Variants in AQP4 observed in about 807,000 individuals in gnomAD.
AQP4 encodes the protein aquaporin 4.
In AQP4, 18 loss-of-function variants were observed where a neutral mutation model predicts 27.8. The ratio of observed to expected loss-of-function variants is 0.65; its 90% confidence interval spans 0.45 to 0.96. The LOEUF (loss-of-function observed/expected upper bound fraction) is 0.96, where lower values mean the gene tolerates loss of function less well. Among genes scored for constraint, AQP4 ranks in the 40% least tolerant of loss-of-function variants. The pLI is 0.00. For missense variants in AQP4, 412 were observed against 408.2 expected (o/e 1.01, Z -0.08); for synonymous variants, 141 against 142.9 (o/e 0.99, Z 0.10).
chr18:26,864,064 A>T (rs2144975534), intron 1 of AQP4, among the ~76,000 whole-genome samples: 1 of 152,086 alleles, frequency 6.6e-6, no homozygotes, highest in East Asian at 1.9e-4. Flanking sequence ...TGCCTGTGAT[A>T]GTCATGAGAG....
chr18:26,865,736 C>T (rs1197594976), upstream of AQP4: 2 of 1,612,366 alleles, frequency 1.2e-6, no homozygotes, highest in South Asian at 2.2e-5. Context: ...CCCGCAGCTC[C>T]CTGTGTGCTG....
intron 4 of AQP4, among the ~76,000 whole-genome samples, chr18:26,858,507 A>G (rs1002833329): frequency 2.0e-5 from 3 of 152,160 alleles, no homozygotes; most frequent in African/African-American, 2.4e-5. Context: ...TTACGGGGAA[A>G]CTGTTGCTAG....
At position 26,864,832 on chromosome 18, in the gene AQP4, A is replaced by C. The variant is rs369151481; in HGVS notation, c.32+826T>G. On this transcript the variant is annotated intron_variant, in intron 1 of 4. Coordinates refer to ENST00000383168, the MANE Select transcript of AQP4 (RefSeq NM_001650.7). The stretch of plus-strand genomic sequence containing the variant: ...GGAGACACCAGAAGAGGTGGGACCC[A>C]GAAAAGGCCAGCCCCGCTGCTCACC... 8.5e-5 allele frequency among the ~76,000 whole-genome samples: 13 copies of C among 152,222 alleles called. No individual in the cohort carries two copies. The East Asian group carries it at 2.5e-3, about 30-fold the overall frequency.
chr18:26,858,629 G>A (rs2054885156), intron 4 of AQP4, among the ~76,000 whole-genome samples: 1 of 152,130 alleles, frequency 6.6e-6, no homozygotes, highest in Admixed American at 6.5e-5. Flanking sequence ...AAATGTCTTT[G>A]CTCTTTGTTA....
rs564568113 is a variant in AQP4, at chr18:26,862,359, A to G, written c.270T>C (p.His90=). The change falls in exon 2 of 5, where the codon CAT becomes CAC. Residue 90 remains histidine, a synonymous_variant. Coordinates refer to ENST00000383168, the MANE Select transcript of AQP4 (RefSeq NM_001650.7). ...SIATMVQCFG[H]ISGGHINPAV... The stretch of plus-strand genomic sequence containing the variant: ...CAGGGTTGATGTGGCCACCGCTGAT[A>G]TGGCCAAAGCACTGCACCATGGTTG... 2 of 1,614,216 alleles carry G rather than the reference A, an allele frequency of 1.2e-6. No homozygotes were observed. The highest frequency in any genetic ancestry group is 2.2e-5 in the East Asian group (1 of 44,880).
chr18:26,862,797 T>C, intron 1 of AQP4: 1 of 666,018 alleles, frequency 1.5e-6, no homozygotes, highest in East Asian at 2.7e-5. Flanking sequence ...TCATTTAATA[T>C]TCAAAGATCA....
At chr18:26,859,307 G>A (rs969080566) in intron 4 of AQP4, among the ~76,000 whole-genome samples, 15 of 152,198 alleles carry the variant, frequency 9.9e-5, no homozygotes, top group African/African-American at 3.4e-4. Flanking sequence ...ATCACCTAAG[G>A]TCAGGAGTTC....
Position 26,860,861 on chromosome 18 carries a change from A to G in AQP4, c.613-9T>C, listed in dbSNP as rs1286659169. Reference sequence around the variant, plus strand: ...GCACCAGTATAATTGATCTATAGGAAACAAGAAAACAACTTCAGACATTGC... The same window carrying G: ...GCACCAGTATAATTGATCTATAGGAGACAAGAAAACAACTTCAGACATTGC... On this transcript the variant is annotated splice_polypyrimidine_tract_variant and intron_variant, in intron 3 of 4. Transcript: ENST00000383168. 6.2e-7 allele frequency: 1 copy of G among 1,612,306 alleles called. No homozygotes were observed. The highest frequency in any genetic ancestry group is 1.3e-5 in the African/African-American group (1 of 74,894).
chr18:26,860,919 G>GT, intron 3 of AQP4, 67 bp from the exon 4 acceptor site: 1 of 1,507,404 alleles, frequency 6.6e-7, no homozygotes, highest in African/African-American at 1.4e-5. Context: ...ATCATTCATT[G>GT]CAATTTGCTG....
intron 1 of AQP4, among the ~76,000 whole-genome samples, chr18:26,864,374 C>T (rs1026304702): frequency 6.6e-6 from 1 of 152,016 alleles, no homozygotes; most frequent in Non-Finnish European, 1.5e-5. Flanking sequence ...TGCCCAGGCC[C>T]GGGTGGCAGG....
In AQP4 at chr18:26,853,552, A is replaced by C. The variant is rs1378941271; in HGVS notation, c.*2659T>G. On this transcript the variant is annotated 3_prime_UTR_variant, in exon 5 of 5. Transcript: ENST00000383168. ...TGGCATTGTTTCATGGCTGGGTATA[A>C]TTCATTTATGTCTTCCCAGTTTTTC... The C allele has an allele frequency of 2.0e-5, 3 of 152,252 alleles. No individual in the cohort carries two copies. Among genetic ancestry groups the C allele is most frequent in the Non-Finnish European group, 4.4e-5 (3 of 68,028 alleles). 9.4% of individuals were successfully genotyped at this position (152,252 alleles called of 1,614,324 possible).
intron 1 of AQP4, among the ~76,000 whole-genome samples, chr18:26,864,047 T>A (rs1314214072): frequency 6.6e-6 from 1 of 152,112 alleles, no homozygotes; most frequent in Non-Finnish European, 1.5e-5. Flanking sequence ...CTTTTGCCCT[T>A]GTCCTTTGCC....
In AQP4 at chr18:26,862,291, G is replaced by T. The variant is rs2054963600; in HGVS notation, c.338C>A (p.Ala113Asp). Reference protein sequence around the residue: ...AMVCTRKISIAKSVFYIAAQC... With the variant: ...AMVCTRKISIDKSVFYIAAQC... ...GGCTGCGATGTAGAAGACAGACTTG[G>T]CGATGCTGATCTTCCTGGTGCACAC... Residue 113 changes from alanine to aspartate, a missense_variant, in exon 2 of 5, where the codon GCC (alanine) becomes GAC (aspartate). Physicochemically the swap from Ala to Asp is moderately radical, Grantham distance 126. Transcript: ENST00000383168. 1.2e-6 allele frequency: 2 copies of T among 1,614,196 alleles called. No individual in the cohort carries two copies. Among genetic ancestry groups the T allele is most frequent in the South Asian group, 1.1e-5 (1 of 91,082 alleles).
chr18:26,852,079 A>G lies in AQP4; in HGVS notation c.*4132T>C, dbSNP rs752134039. The G allele has an allele frequency of 1.3e-5, 2 of 152,222 alleles. No homozygotes were observed. The highest frequency in any genetic ancestry group is 4.1e-4 in the South Asian group (2 of 4,836). The allele number at this position is 152,222 out of a possible 1,614,324, so 9.4% of individuals were successfully genotyped here. On this transcript the variant is annotated 3_prime_UTR_variant, in exon 5 of 5. Coordinates refer to ENST00000383168, the MANE Select transcript of AQP4 (RefSeq NM_001650.7). ...AAACATCCAAATGTTTATTTTCACA[A>G]GCTTAGTAGTACAAGATGCAACATA...
In AQP4 at chr18:26,856,484, A is replaced by G. The variant is rs756619172; in HGVS notation, c.699T>C (p.Tyr233=). 19 of 1,614,034 alleles carry G rather than the reference A, an allele frequency of 1.2e-5. No homozygotes were observed. The highest frequency in any genetic ancestry group is 1.6e-5 in the Non-Finnish European group (19 of 1,179,988). Reference sequence around the variant, plus strand: ...CAGCTCCTATGATGGGCCCAACCCAATATATCTAAGGAAAAGATGGAAGAG... The same window carrying G: ...CAGCTCCTATGATGGGCCCAACCCAGTATATCTAAGGAAAAGATGGAAGAG... ...IMGNWENHWI[Y]WVGPIIGAVL... The change falls in exon 5 of 5, where the codon TAT becomes TAC. Residue 233 remains tyrosine (Y), a synonymous_variant. Coordinates refer to ENST00000383168, the MANE Select transcript of AQP4 (RefSeq NM_001650.7).
intron 1 of AQP4, among the ~76,000 whole-genome samples, chr18:26,864,848 G>C (rs943605723): frequency 6.6e-6 from 1 of 152,084 alleles, no homozygotes; most frequent in East Asian, 1.9e-4. Flanking sequence ...GGCCAGCCCC[G>C]CTGCTCACCC....
At chr18:26,865,794 G>A, upstream of AQP4, 1 of 1,382,578 alleles carries the variant, frequency 7.2e-7, no homozygotes, top group Non-Finnish European at 1.0e-6. Flanking sequence ...GGAGTGTTAG[G>A]GGTGGAAAGA....
rs1324313981 is a variant in AQP4, at chr18:26,856,033, G to A, written c.*178C>T. On this transcript the variant is annotated 3_prime_UTR_variant, in exon 5 of 5. Transcript: ENST00000383168. ...TTTTTAGATTTGGAATTCACAATAG[G>A]TTTCTTCCGTTCCTCCTTTGTAAAT... 1.0e-5 allele frequency: 8 copies of A among 766,376 alleles called. No individual in the cohort carries two copies. Among genetic ancestry groups the A allele is most frequent in the African/African-American group, 1.8e-5 (1 of 56,730 alleles). The allele number at this position is 766,376 out of a possible 1,614,324, so 47.5% of individuals were successfully genotyped here.
At position 26,862,255 on chromosome 18, in the gene AQP4, C is replaced by A; in HGVS notation, c.374G>T (p.Gly125Val). 6.2e-7 allele frequency: 1 copy of A among 1,614,130 alleles called. No individual in the cohort carries two copies. The highest frequency in any genetic ancestry group is 8.5e-7 in the Non-Finnish European group (1 of 1,180,034). ...SVFYIAAQCLGAIIGAGILYL... is the reference protein window; with the variant it reads ...SVFYIAAQCLVAIIGAGILYL... ...GAGGATTCCTGCTCCAATGATGGCC[C>A]CCAGGCACTGGGCTGCGATGTAGAA... Residue 125 changes from glycine to valine, a missense_variant, in exon 2 of 5, where the codon GGG becomes GTG. By Grantham distance (109) the Gly-to-Val change is moderately radical. Transcript: ENST00000383168.
Sources: gnomAD v4.1 joint callset for allele counts (sites outside exome capture counted in the v4.1 genomes callset) on GRCh38, gnomAD v4.1.1 for gene constraint, MANE v1.5 for transcripts, NCBI Gene and HGNC (gene_info 2026-07-23, HGNC 2026-07-21) for gene names.